Variants in HIPK2 observed in about 807,000 individuals in gnomAD.
HIPK2 encodes homeodomain-interacting protein kinase 2.
Under a neutral mutation model 113.7 loss-of-function variants are expected in HIPK2, and 27 were observed. The ratio of observed to expected loss-of-function variants is 0.24; its 90% CI spans 0.17 to 0.33. The LOEUF is 0.33. Among genes scored for constraint, HIPK2 ranks in the 10% least tolerant of loss-of-function variants. The pLI, the probability that HIPK2 is intolerant of heterozygous loss-of-function variation, is 1.00. For missense variants in HIPK2, 1,257 were observed against 1,588.0 expected, an observed-to-expected ratio of 0.79 and a Z score of 3.54; for synonymous variants, 631 against 642.2, an observed-to-expected ratio of 0.98 and a Z score of 0.26.
intron 2 of HIPK2, among the ~76,000 whole-genome samples, chr7:139,691,180 TG>T (rs1374652515): frequency 6.6e-6 from 1 of 152,196 alleles, no homozygotes; most frequent in South Asian, 2.1e-4. Flanking sequence ...ACTATCACAG[TG>T]TGGTATTGGC....
At chr7:139,585,505 C>T (rs947336203) in intron 12 of HIPK2, among the ~76,000 whole-genome samples, 4 of 152,156 alleles carry the variant, frequency 2.6e-5, no homozygotes, top group Admixed American at 2.6e-4. Flanking sequence ...TAACCGTGTT[C>T]GTGGGTGAGA....
At chr7:139,689,842 G>A (rs1430692909) in intron 2 of HIPK2, among the ~76,000 whole-genome samples, 1 of 152,198 alleles carries the variant, frequency 6.6e-6, no homozygotes, top group African/African-American at 2.4e-5. Flanking sequence ...GAAGGAGTCA[G>A]GTGGTGAGTC....
intron 2 of HIPK2, among the ~76,000 whole-genome samples, chr7:139,653,854 T>G (rs1481463076): frequency 1.3e-5 from 2 of 151,912 alleles, no homozygotes; most frequent in Non-Finnish European, 2.9e-5. Flanking sequence ...TGCCTCAGCC[T>G]CCTGAGTAGC....
Position 139,631,556 on chromosome 7 carries a change from A to G in HIPK2, c.1227+46T>C, listed in dbSNP as rs374327651. On this transcript the variant is annotated intron_variant, in intron 3 of 14. Transcript: ENST00000406875. The surrounding 1 kb of genome is among the most constrained non-coding windows in gnomAD (Gnocchi z 4.9). ...GAAATGCTAATCCAGGCTATTTTCC[A>G]GATGAAGAATGAGGTCTTGTGAATA... 4 of 1,595,350 alleles carry G rather than the reference A, an allele frequency of 2.5e-6. 1 individual carries two copies. The African/African-American group carries it at 4.0e-5, about 16-fold the overall frequency.
At position 139,573,141 on chromosome 7, in the gene HIPK2, C is replaced by T. The variant is rs574613144; in HGVS notation, c.3383G>A (p.Arg1128His). Residue 1128 changes from arginine to histidine, a missense_variant, in exon 15 of 15, where the codon CGC becomes CAC. By Grantham distance (29) the Arg-to-His change is conservative. Coordinates refer to ENST00000406875, the MANE Select transcript of HIPK2 (RefSeq NM_022740.5). ...AHLVASQGSA[R>H]HTVQHTAYPA... ...GTAGGCAGTGTGCTGCACGGTGTGG[C>T]GCGCAGAGCCTTGCGAGGCCACCAG... 34 of 1,611,264 alleles carry T rather than the reference C, an allele frequency of 2.1e-5. 1 individual carries two copies. The Admixed American group carries it at 4.4e-4, about 21-fold the overall frequency.
chr7:139,606,520 C>A (rs1262802285), intron 9 of HIPK2, among the ~76,000 whole-genome samples: 3 of 152,092 alleles, frequency 2.0e-5, no homozygotes, highest in African/African-American at 7.2e-5. Flanking sequence ...ATTTTAGAAG[C>A]TGAAAAACTG....
chr7:139,746,672 C>A (rs929992512), intron 1 of HIPK2, among the ~76,000 whole-genome samples: 5 of 152,292 alleles, frequency 3.3e-5, no homozygotes, highest in African/African-American at 1.2e-4. Flanking sequence ...TCTCGCACCT[C>A]TTTTATCTTC....
chr7:139,587,106 CAATT>C (rs1473445119), intron 12 of HIPK2, among the ~76,000 whole-genome samples: 2 of 152,078 alleles, frequency 1.3e-5, no homozygotes, highest in African/African-American at 2.4e-5. Context: ...TATTTTACCA[CAATT>C]AAAAATTAAC....
chr7:139,675,674 T>C (rs1802472284), intron 2 of HIPK2, among the ~76,000 whole-genome samples: 1 of 152,194 alleles, frequency 6.6e-6, no homozygotes, highest in South Asian at 2.1e-4. Flanking sequence ...TATATGTTTG[T>C]GCAAAGATCA....
At chr7:139,677,963 A>G (rs928348454) in intron 2 of HIPK2, among the ~76,000 whole-genome samples, 1 of 152,188 alleles carries the variant, frequency 6.6e-6, no homozygotes, top group Non-Finnish European at 1.5e-5. Context: ...CATTTCTCTG[A>G]TGACCAGTGA....
chr7:139,603,811 T>G (rs1353238991), intron 10 of HIPK2, among the ~76,000 whole-genome samples: 1 of 152,150 alleles, frequency 6.6e-6, no homozygotes, highest in Non-Finnish European at 1.5e-5. Flanking sequence ...TGAATTACAC[T>G]GATGAGTAAA....
intron 2 of HIPK2, among the ~76,000 whole-genome samples, chr7:139,643,474 A>T (rs1389089921): frequency 2.6e-5 from 4 of 152,094 alleles, no homozygotes; most frequent in African/African-American, 9.7e-5. Flanking sequence ...ACCAAAATCT[A>T]ACTCACTTGT....
Position 139,674,011 on chromosome 7 carries a change from C to T in HIPK2, c.1103+41921G>A, listed in dbSNP as rs577570618. On this transcript the variant is annotated intron_variant, in intron 2 of 14. Coordinates refer to ENST00000406875, the MANE Select transcript of HIPK2 (RefSeq NM_022740.5). Reference sequence around the variant, plus strand: ...GTTTGAGCTGAGGAGGCAGAGGTTGCAGTGAGATGAGCCTACTGCACTTCA... The same window carrying T: ...GTTTGAGCTGAGGAGGCAGAGGTTGTAGTGAGATGAGCCTACTGCACTTCA... Among the ~76,000 whole-genome samples the T allele has an allele frequency of 6.6e-4, 97 of 146,918 alleles. 1 individual carries two copies. The highest frequency in any genetic ancestry group is 3.7e-3 in the Middle Eastern group (1 of 272).
chr7:139,711,246 T>C (rs1044728666), intron 2 of HIPK2, among the ~76,000 whole-genome samples: 2 of 151,940 alleles, frequency 1.3e-5, no homozygotes, highest in Admixed American at 6.6e-5. Context: ...GCTAATACAG[T>C]GAAACCCCAT....
intron 5 of HIPK2, 108 bp downstream of exon 5, chr7:139,628,845 C>A: frequency 1.1e-6 from 1 of 891,994 alleles, no homozygotes; most frequent in Admixed American, 2.3e-5. Flanking sequence ...TCAACCACTG[C>A]AGTTGAATAA....
intron 1 of HIPK2, among the ~76,000 whole-genome samples, chr7:139,767,228 C>T (rs1355995694): frequency 6.6e-6 from 1 of 152,262 alleles, no homozygotes; most frequent in Non-Finnish European, 1.5e-5. Flanking sequence ...ATTAGAGACT[C>T]TGGGGGTGAA....
In HIPK2 at chr7:139,626,700, A is replaced by T. The variant is rs894385089; in HGVS notation, c.1520T>A (p.Met507Lys). The T allele has an allele frequency of 4.3e-6, 7 of 1,613,842 alleles. No individual in the cohort carries two copies. In the Admixed American group the frequency reaches 8.3e-5, roughly 19 times the overall value. ...TCTCTTGTCAGCATCAATGGTCAGCATCTTCTTCAACAGGTCAATGAACTC... is the reference window on the plus strand; with the variant it reads ...TCTCTTGTCAGCATCAATGGTCAGCTTCTTCTTCAACAGGTCAATGAACTC... ...RREFIDLLKK[M>K]LTIDADKRIT... Residue 507 changes from methionine to lysine, a missense_variant, in exon 6 of 15, where the codon ATG becomes AAG. Physicochemically the swap from Met to Lys is moderately conservative, Grantham distance 95. Transcript: ENST00000406875.
In HIPK2 at chr7:139,561,611, T is replaced by A. The variant is rs1797949345; in HGVS notation, c.*11316A>T. The A allele has an allele frequency of 6.6e-6, 1 of 152,204 alleles. No homozygotes were observed. Among genetic ancestry groups the A allele is most frequent in the Admixed American group, 6.5e-5 (1 of 15,286 alleles). The allele number at this position is 152,204 out of a possible 1,614,324, so 9.4% of individuals were successfully genotyped here. On this transcript the variant is annotated 3_prime_UTR_variant, in exon 15 of 15. Coordinates refer to ENST00000406875, the MANE Select transcript of HIPK2 (RefSeq NM_022740.5). The stretch of plus-strand genomic sequence containing the variant: ...AGTTTAATGTAATTCCAAGACAAAG[T>A]GTGATTACATTTCTACACATATACA...
intron 1 of HIPK2, among the ~76,000 whole-genome samples, chr7:139,756,793 T>A (rs955590744): frequency 4.6e-5 from 7 of 152,200 alleles, no homozygotes; most frequent in African/African-American, 1.7e-4. Flanking sequence ...GGAGTTCCCA[T>A]ACACACCGCC....
Sources: allele counts gnomAD v4.1 joint callset (sites outside exome capture counted in the v4.1 genomes callset), GRCh38; gene constraint gnomAD v4.1.1; non-coding constraint Gnocchi (gnomAD v3.1); transcripts MANE v1.5; gene names NCBI Gene and HGNC (gene_info 2026-07-23, HGNC 2026-07-21).